The following EEF1AKMT1 variants were observed in gnomAD, a reference collection of about 807,000 sequenced individuals.
EEF1AKMT1 encodes N-6 adenine-specific DNA methyltransferase 2 (putative).
Under a neutral mutation model 21.0 loss-of-function variants are expected in EEF1AKMT1, and 18 were observed. The observed-to-expected ratio is 0.86, with a 90% CI of 0.59 to 1.27. The LOEUF (loss-of-function observed/expected upper bound fraction) is 1.27. EEF1AKMT1 is among the 50% of genes most tolerant of loss of function. The pLI, the probability that EEF1AKMT1 is intolerant of heterozygous loss-of-function variation, is 0.00. For synonymous variants in EEF1AKMT1, 109 were observed against 94.8 expected, an observed-to-expected ratio of 1.15 and a Z score of -0.87; for missense variants, 246 against 258.6, an observed-to-expected ratio of 0.95 and a Z score of 0.33.
chr13:20,771,986 G>A (rs2059065069), intron 1 of EEF1AKMT1, among the ~76,000 whole-genome samples: 1 of 148,636 alleles, frequency 6.7e-6, no homozygotes, highest in Non-Finnish European at 1.5e-5. Context: ...ACTCCAGCCT[G>A]AATGACAGGA....
At chr13:20,736,798 T>A (rs1371777176) in intron 3 of EEF1AKMT1, among the ~76,000 whole-genome samples, 1 of 131,906 alleles carries the variant, frequency 7.6e-6, no homozygotes, top group East Asian at 2.5e-4. Flanking sequence ...AGTGCAGTGG[T>A]GTGATCTTGG....
chr13:20,738,841 T>C (rs1595014619), intron 2 of EEF1AKMT1, among the ~76,000 whole-genome samples: 1 of 152,148 alleles, frequency 6.6e-6, no homozygotes, highest in Non-Finnish European at 1.5e-5. Context: ...GATTAGGAGG[T>C]GACAGCTGAA....
intron 3 of EEF1AKMT1, among the ~76,000 whole-genome samples, chr13:20,734,838 G>A (rs927584629): frequency 2.0e-5 from 3 of 152,010 alleles, no homozygotes; most frequent in Non-Finnish European, 4.4e-5. Flanking sequence ...ATATCTAAAA[G>A]CAGTGTCACT....
chr13:20,730,813 A>C (rs1188116482), intron 4 of EEF1AKMT1, among the ~76,000 whole-genome samples: 2 of 152,212 alleles, frequency 1.3e-5, no homozygotes, highest in African/African-American at 2.4e-5. Context: ...AGGGAATAAA[A>C]GCTGGCCACC....
At chr13:20,768,618 G>A (rs1348982756) in intron 1 of EEF1AKMT1, among the ~76,000 whole-genome samples, 1 of 152,126 alleles carries the variant, frequency 6.6e-6, no homozygotes, top group Admixed American at 6.6e-5. Context: ...GCTATTGTTA[G>A]GGTATTTTAT....
At chr13:20,772,764 CAGGG>C (rs1332802052) in intron 1 of EEF1AKMT1, among the ~76,000 whole-genome samples, 3 of 152,150 alleles carry the variant, frequency 2.0e-5, no homozygotes, top group African/African-American at 7.2e-5. Context: ...GCAGCATAAG[CAGGG>C]ATTAGCTGGC....
intron 1 of EEF1AKMT1, among the ~76,000 whole-genome samples, chr13:20,766,098 G>C (rs1007445888): frequency 3.3e-5 from 5 of 151,826 alleles, no homozygotes; most frequent in Non-Finnish European, 5.9e-5. Context: ...AGGAGTTCAA[G>C]ACCAGCCTGG....
At chr13:20,766,298 C>CAAAAAAAAAAAA (rs35866979) in intron 1 of EEF1AKMT1, among the ~76,000 whole-genome samples, 6 of 76,748 alleles carry the variant, frequency 7.8e-5, no homozygotes, top group Non-Finnish European at 1.1e-4. Context: ...GACTCCATCT[C>CAAAAAAAAAAAA]AAAAAAAAAA....
intron 1 of EEF1AKMT1, among the ~76,000 whole-genome samples, chr13:20,759,708 A>C (rs2058990037): frequency 6.6e-6 from 1 of 152,226 alleles, no homozygotes; most frequent in African/African-American, 2.4e-5. Flanking sequence ...CAAGTGGCCA[A>C]GAAACATGAA....
At chr13:20,729,642 T>G (rs1485654903) in intron 4 of EEF1AKMT1, among the ~76,000 whole-genome samples, 1 of 152,076 alleles carries the variant, frequency 6.6e-6, no homozygotes, top group Non-Finnish European at 1.5e-5. Flanking sequence ...GCCACTCCCT[T>G]TTGCCATCTG....
intron 2 of EEF1AKMT1, among the ~76,000 whole-genome samples, chr13:20,745,348 C>T (rs9579941): frequency 0.093 from 14,170 of 152,150 alleles, 804 homozygotes; most frequent in Non-Finnish European, 0.13. Flanking sequence ...TATGTTCTCT[C>T]TTATTTCCTT....
intron 2 of EEF1AKMT1, among the ~76,000 whole-genome samples, chr13:20,739,011 G>C (rs764323382): frequency 2.0e-5 from 3 of 152,194 alleles, no homozygotes; most frequent in African/African-American, 4.8e-5. Flanking sequence ...AGTGTGCCCA[G>C]AGTTCCTTCC....
chr13:20,737,934 A>G, intron 2 of EEF1AKMT1, 129 bp from the exon 3 acceptor site: 1 of 493,386 alleles, frequency 2.0e-6, no homozygotes, highest in Non-Finnish European at 3.4e-6. Flanking sequence ...ATACCAGTGG[A>G]CAGATATTTT....
At chr13:20,737,836 T>C (rs1412281267) in intron 2 of EEF1AKMT1, 31 bp from the exon 3 acceptor site, 1 of 1,514,580 alleles carries the variant, frequency 6.6e-7, no homozygotes, top group Non-Finnish European at 9.1e-7. Context: ...GATAGCATTT[T>C]AGAACTGGCA....
At chr13:20,748,726 G>GTTTTTTTTTTTTTTTTTTTTTTT (rs750094631) in intron 2 of EEF1AKMT1, among the ~76,000 whole-genome samples, 2 of 72,614 alleles carry the variant, frequency 2.8e-5, no homozygotes, top group Admixed American at 2.3e-4. Flanking sequence ...TTTTTTTTTG[G>GTTTTTTTTTTTTTTTTTTTTTTT]TTTTTTTTTT....
chr13:20,757,648 G>T (rs749126605), intron 1 of EEF1AKMT1, 31 bp from the exon 2 acceptor site: 3 of 1,530,524 alleles, frequency 2.0e-6, no homozygotes, highest in Admixed American at 3.9e-5. Flanking sequence ...GTTCTGTGCA[G>T]ATTTTGTTTC....
At chr13:20,757,716 T>A in intron 1 of EEF1AKMT1, 99 bp from the exon 2 acceptor site, 2 of 934,200 alleles carry the variant, frequency 2.1e-6, no homozygotes, top group Non-Finnish European at 1.6e-6. Context: ...GGATCCAAAC[T>A]GAAGTGAGTT....
At chr13:20,760,937 G>A (rs1021818618) in intron 1 of EEF1AKMT1, among the ~76,000 whole-genome samples, 5 of 152,060 alleles carry the variant, frequency 3.3e-5, no homozygotes, top group Non-Finnish European at 5.9e-5. Flanking sequence ...AATAATCACA[G>A]ATTCACAGGA....
chr13:20,731,953 T>G lies in EEF1AKMT1; in HGVS notation c.396A>C (p.Ala132=). The part of the protein sequence containing the change: ...NPLDLPERIA[A]HSFDIVIADP... The stretch of plus-strand genomic sequence containing the variant: ...CTGCTATTACGATGTCAAAACTATG[T>G]GCAGCAATTCTTTCGGGTAAGTCCA... Residue 132 remains alanine, a synonymous_variant, in exon 4 of 5, where the codon GCA becomes GCC. Transcript: ENST00000382758. 6.2e-7 allele frequency: 1 copy of G among 1,614,278 alleles called. No homozygotes were observed. The highest frequency in any genetic ancestry group is 8.5e-7 in the Non-Finnish European group (1 of 1,180,054).
Sources: allele counts gnomAD v4.1 joint callset (sites outside exome capture counted in the v4.1 genomes callset), GRCh38; gene constraint gnomAD v4.1.1; transcripts MANE v1.5; gene names NCBI Gene and HGNC (gene_info 2026-07-23, HGNC 2026-07-21).